Variants in RNF220 observed in about 807,000 individuals in gnomAD.
RNF220 encodes ring finger protein 220, also known as E3 ubiquitin-protein ligase RNF220.
In RNF220, 7 loss-of-function variants were observed where a neutral mutation model predicts 67.1. That is an observed-to-expected ratio of 0.10 (90% CI 0.06 to 0.20). RNF220 has a LOEUF of 0.20. Ranked by LOEUF, RNF220 falls within the 10% of genes least tolerant of loss-of-function variation. The probability of loss-of-function intolerance (pLI) is 1.00; values close to 1 mark genes in which losing one functional copy is unlikely to be tolerated. For synonymous variants in RNF220, 270 were observed against 283.2 expected (o/e 0.95, Z 0.47); for missense variants, 565 against 740.3 (o/e 0.76, Z 2.75).
intron 2 of RNF220, among the ~76,000 whole-genome samples, chr1:44,524,945 ACT>A (rs981351827): frequency 5.3e-5 from 8 of 151,974 alleles, no homozygotes; most frequent in African/African-American, 1.7e-4. Context: ...ACACACTGTG[ACT>A]CTCTCTTCAG....
In RNF220 at chr1:44,644,840, C is replaced by T; in HGVS notation, c.1223+46C>T. On this transcript the variant is annotated intron_variant, in intron 9 of 14. Transcript: ENST00000361799. ...GGGCTGGTGGGGCTGATAGGGCAGGCACAGGGAATAAGAAAAGTAGCTCTT... is the reference window on the plus strand; with the variant it reads ...GGGCTGGTGGGGCTGATAGGGCAGGTACAGGGAATAAGAAAAGTAGCTCTT... 3 of 1,556,446 alleles carry T rather than the reference C, an allele frequency of 1.9e-6. 1 individual carries two copies. In the South Asian group the frequency reaches 3.3e-5, roughly 17 times the overall value.
At chr1:44,421,310 T>G (rs1354995395) in intron 2 of RNF220, among the ~76,000 whole-genome samples, 6 of 152,172 alleles carry the variant, frequency 3.9e-5, no homozygotes, top group Non-Finnish European at 7.3e-5. Flanking sequence ...GTTATTAGAA[T>G]TTGTGTGTGA....
At chr1:44,435,010 C>T (rs993415890) in intron 2 of RNF220, among the ~76,000 whole-genome samples, 7 of 143,040 alleles carry the variant, frequency 4.9e-5, no homozygotes, top group Non-Finnish European at 1.1e-4. Context: ...TTGGGCAACA[C>T]AGCAAGATCC....
intron 2 of RNF220, among the ~76,000 whole-genome samples, chr1:44,576,760 G>GT (rs1391680962): frequency 1.3e-5 from 2 of 152,224 alleles, no homozygotes; most frequent in East Asian, 3.8e-4. Context: ...GGGATGGCCA[G>GT]TTTTTTCGTC....
intron 2 of RNF220, among the ~76,000 whole-genome samples, chr1:44,588,460 T>G (rs1413570239): frequency 6.6e-6 from 1 of 152,232 alleles, no homozygotes; most frequent in East Asian, 1.9e-4. Context: ...GTAGCCGCCC[T>G]CTAAGCCAGA....
chr1:44,586,307 G>A (rs962289792), intron 2 of RNF220, among the ~76,000 whole-genome samples: 1 of 152,194 alleles, frequency 6.6e-6, no homozygotes, highest in East Asian at 1.9e-4. Flanking sequence ...AGGTTTGGGA[G>A]TCCTGGAAAG....
At chr1:44,604,838 C>G (rs1667161243) in intron 2 of RNF220, among the ~76,000 whole-genome samples, 1 of 152,218 alleles carries the variant, frequency 6.6e-6, no homozygotes. Context: ...CAGTGCCAAC[C>G]TTGAGTTTCT....
chr1:44,455,633 C>G (rs1407116966), intron 2 of RNF220, among the ~76,000 whole-genome samples: 1 of 152,034 alleles, frequency 6.6e-6, no homozygotes, highest in Non-Finnish European at 1.5e-5. Context: ...AAGGCATGAA[C>G]TGGAGACAGT....
chr1:44,558,304 A>G (rs955921402), intron 2 of RNF220, among the ~76,000 whole-genome samples: 3 of 152,312 alleles, frequency 2.0e-5, no homozygotes, highest in Admixed American at 1.3e-4. Flanking sequence ...CCCCCACTGT[A>G]TATGCGTATG....
intron 2 of RNF220, among the ~76,000 whole-genome samples, chr1:44,545,066 G>A (rs981685315): frequency 2.6e-5 from 4 of 152,238 alleles, no homozygotes; most frequent in South Asian, 2.1e-4. Context: ...AGGAGCTTAC[G>A]CCGTAGTTCT....
At chr1:44,519,743 T>G (rs1470966505) in intron 2 of RNF220, among the ~76,000 whole-genome samples, 1 of 152,108 alleles carries the variant, frequency 6.6e-6, no homozygotes, top group Non-Finnish European at 1.5e-5. Context: ...GCACGGAAAG[T>G]CAAGTGCAGG....
At chr1:44,450,056 A>G (rs549281431) in intron 2 of RNF220, among the ~76,000 whole-genome samples, 1 of 152,126 alleles carries the variant, frequency 6.6e-6, no homozygotes, top group Non-Finnish European at 1.5e-5. Context: ...CTAAAAATAC[A>G]AAATTAGCCA....
At chr1:44,426,082 T>C (rs367575144) in intron 2 of RNF220, among the ~76,000 whole-genome samples, 7 of 152,246 alleles carry the variant, frequency 4.6e-5, no homozygotes, top group African/African-American at 1.7e-4. Flanking sequence ...TGAAATTTTA[T>C]TGGCTAAATC....
At chr1:44,443,466 A>G (rs1463375089) in intron 2 of RNF220, among the ~76,000 whole-genome samples, 1 of 152,144 alleles carries the variant, frequency 6.6e-6, no homozygotes, top group Non-Finnish European at 1.5e-5. Flanking sequence ...CTTCCAGTTC[A>G]TTCCGTATAC....
chr1:44,560,055 C>T (rs1248132788), intron 2 of RNF220, among the ~76,000 whole-genome samples: 1 of 152,198 alleles, frequency 6.6e-6, no homozygotes, highest in African/African-American at 2.4e-5. Context: ...GCAGGCAACC[C>T]CAGCAAGCTC....
chr1:44,455,026 G>A (rs558691903), intron 2 of RNF220, among the ~76,000 whole-genome samples: 13 of 152,130 alleles, frequency 8.5e-5, no homozygotes, highest in Non-Finnish European at 7.3e-5. Context: ...TTGTGCAAAC[G>A]TAAGTTTTCT....
chr1:44,456,442 A>G (rs968534969), intron 2 of RNF220, among the ~76,000 whole-genome samples: 1 of 152,226 alleles, frequency 6.6e-6, no homozygotes, highest in South Asian at 2.1e-4. Context: ...TTGAGATACT[A>G]TATAAATGTC....
intron 2 of RNF220, among the ~76,000 whole-genome samples, chr1:44,524,382 G>T (rs748653951): frequency 6.6e-6 from 1 of 152,074 alleles, no homozygotes; most frequent in Non-Finnish European, 1.5e-5. Context: ...GAAGCAGGCT[G>T]TTGGGGGCAG....
intron 2 of RNF220, among the ~76,000 whole-genome samples, chr1:44,469,318 T>C (rs1049371570): frequency 6.6e-6 from 1 of 152,168 alleles, no homozygotes; most frequent in African/African-American, 2.4e-5. Context: ...ACTAATTCCT[T>C]CCAATCCGTA....
Sources: gnomAD v4.1 joint callset for allele counts (sites outside exome capture counted in the v4.1 genomes callset) on GRCh38, gnomAD v4.1.1 for gene constraint, MANE v1.5 for transcripts, NCBI Gene and HGNC (gene_info 2026-07-23, HGNC 2026-07-21) for gene names.